The following FLYWCH1 variants were observed in gnomAD, a reference collection of about 807,000 sequenced individuals.
The protein encoded by FLYWCH1 is FLYWCH-type zinc finger 1.
Under a neutral mutation model 66.4 loss-of-function variants are expected in FLYWCH1, and 75 were observed. The observed-to-expected ratio is 1.13, with a 90% CI of 0.94 to 1.37. FLYWCH1 has a LOEUF of 1.37. Among genes scored for constraint, FLYWCH1 ranks in the 40% most tolerant of loss-of-function variants. The probability of loss-of-function intolerance (pLI) is 0.00; values close to 1 mark genes in which losing one functional copy is unlikely to be tolerated. For missense variants in FLYWCH1, 1,334 were observed against 1,001.8 expected, an observed-to-expected ratio of 1.33 and a Z score of -4.48; for synonymous variants, 595 against 429.9, an observed-to-expected ratio of 1.38 and a Z score of -4.75.
intron 9 of FLYWCH1, among the ~76,000 whole-genome samples, chr16:2,944,556 C>T (rs745613374): frequency 1.8e-4 from 28 of 152,212 alleles, no homozygotes; most frequent in Admixed American, 5.2e-4. Flanking sequence ...ACAGCATTGG[C>T]TCACACCTAT....
At position 2,930,704 on chromosome 16, in the gene FLYWCH1, G is replaced by A. The variant is rs554803352; in HGVS notation, c.620G>A (p.Gly207Asp). Residue 207 changes from glycine to aspartate, a missense_variant, in exon 4 of 10, where the codon GGC (glycine) becomes GAC (aspartate). Transcript: ENST00000253928. ...TTGGGAGAGCCCCAGGGTCCTGAGG[G>A]CCCTGGAGGCCGAGTGGAGGAGCCC... ...EGLGEPQGPE[G>D]PGGRVEEPLE... 23 of 1,544,390 alleles carry A rather than the reference G, an allele frequency of 1.5e-5. No individual in the cohort carries two copies. The highest frequency in any genetic ancestry group is 2.2e-4 in the Middle Eastern group (1 of 4,578).
At chr16:2,920,965 C>G (rs1481074001) in intron 2 of FLYWCH1, among the ~76,000 whole-genome samples, 2 of 151,312 alleles carry the variant, frequency 1.3e-5, no homozygotes, top group Non-Finnish European at 2.9e-5. Context: ...CCTCAGCCTT[C>G]CGAGTAGCTG....
intron 9 of FLYWCH1, among the ~76,000 whole-genome samples, chr16:2,941,013 C>G (rs1213516949): frequency 2.0e-5 from 3 of 152,148 alleles, no homozygotes; most frequent in African/African-American, 7.2e-5. Context: ...TGCATGTAAT[C>G]CAAGCTATTC....
At position 2,930,502 on chromosome 16, in the gene FLYWCH1, G is replaced by T; in HGVS notation, c.418G>T (p.Gly140Trp). The change falls in exon 4 of 10, where the codon GGG becomes TGG. Residue 140 changes from glycine (G) to tryptophan (W), a missense_variant. Transcript: ENST00000253928. The part of the protein sequence containing the change: ...SFLYKQEKAV[G>W]DKVYWKCRQH... ...CCTGTACAAGCAGGAGAAGGCAGTGGGGGACAAGGTGTACTGGAAGTGCCG... is the reference window on the plus strand; with the variant it reads ...CCTGTACAAGCAGGAGAAGGCAGTGTGGGACAAGGTGTACTGGAAGTGCCG... The T allele has an allele frequency of 6.5e-7, 1 of 1,535,242 alleles. No homozygotes were observed. The highest frequency in any genetic ancestry group is 2.4e-5 in the Admixed American group (1 of 41,944).
Position 2,938,297 on chromosome 16 carries a change from T to G in FLYWCH1, c.1891T>G (p.Cys631Gly), listed in dbSNP as rs762091478. 2.6e-5 allele frequency: 42 copies of G among 1,611,692 alleles called. No homozygotes were observed. Among genetic ancestry groups the G allele is most frequent in the Non-Finnish European group, 3.1e-5 (36 of 1,178,946 alleles). ...KAAGEKVYWM[C>G]RDQARLGCRS... ...GGCTGGGGAGAAGGTGTACTGGATG[T>G]GCCGGGACCAGGCTCGGCTGGGCTG... The change falls in exon 8 of 10, where the codon TGC becomes GGC. Residue 631 changes from cysteine (C) to glycine (G), a missense_variant. Cys to Gly is a radical substitution (Grantham distance 159). Coordinates refer to ENST00000253928, the MANE Select transcript of FLYWCH1 (RefSeq NM_001308068.2).
intron 4 of FLYWCH1, among the ~76,000 whole-genome samples, chr16:2,932,117 CAA>C (rs71158124): frequency 5.5e-5 from 6 of 109,840 alleles, no homozygotes; most frequent in Non-Finnish European, 7.4e-5. Flanking sequence ...GACTCTGTCT[CAA>C]AAAAAAAAAA....
At chr16:2,931,734 C>T (rs62032312) in intron 4 of FLYWCH1, among the ~76,000 whole-genome samples, 15,937 of 151,380 alleles carry the variant, frequency 0.11, 1,226 homozygotes, top group African/African-American at 0.21. Flanking sequence ...CTTTCGGAGG[C>T]TGAGGTGGGC....
chr16:2,946,901 G>A (rs539093084), intron 9 of FLYWCH1, among the ~76,000 whole-genome samples: 14 of 152,208 alleles, frequency 9.2e-5, no homozygotes, highest in South Asian at 4.1e-4. Flanking sequence ...TCTTGGCGAC[G>A]ATGCAAAATG....
Position 2,929,904 on chromosome 16 carries a change from C to T in FLYWCH1, c.219C>T (p.Pro73=), listed in dbSNP as rs373096010. The T allele has an allele frequency of 8.7e-6, 14 of 1,613,664 alleles. No individual in the cohort carries two copies. Among genetic ancestry groups the T allele is most frequent in the East Asian group, 4.5e-5 (2 of 44,868 alleles). ...TCCTGTCCCTGGAGATGGCTGGCCC[C>T]GCCACCCTCGCCAGCACCTTGCAGA... ...HCVLSLEMAG[P]ATLASTLQIL... is the part of the protein sequence containing the mutation. Residue 73 remains proline, a synonymous_variant, in exon 3 of 10, where the codon CCC becomes CCT. Transcript: ENST00000253928.
At chr16:2,916,804 ATACCCC>A (rs1420772492) in intron 2 of FLYWCH1, among the ~76,000 whole-genome samples, 65 of 152,122 alleles carry the variant, frequency 4.3e-4, no homozygotes, top group African/African-American at 1.4e-3. Flanking sequence ...GTTCCCCAAA[ATACCCC>A]TAAGGTTCCT....
At chr16:2,945,198 C>G (rs2071427413) in intron 9 of FLYWCH1, among the ~76,000 whole-genome samples, 1 of 151,814 alleles carries the variant, frequency 6.6e-6, no homozygotes, top group Admixed American at 6.6e-5. Flanking sequence ...ACTAAAAATA[C>G]AAAAATTAGC....
chr16:2,913,494 C>G (rs972071317), intron 1 of FLYWCH1, among the ~76,000 whole-genome samples: 2 of 152,092 alleles, frequency 1.3e-5, no homozygotes, highest in African/African-American at 4.8e-5. Context: ...ATTCTGCACC[C>G]CAGGGAACGT....
intron 2 of FLYWCH1, among the ~76,000 whole-genome samples, chr16:2,928,262 C>CA (rs2070642030): frequency 6.6e-6 from 1 of 152,238 alleles, no homozygotes; most frequent in Non-Finnish European, 1.5e-5. Flanking sequence ...ACCTCAACAG[C>CA]AAAGAGGTTT....
At chr16:2,918,491 A>T (rs1034354799) in intron 2 of FLYWCH1, among the ~76,000 whole-genome samples, 4 of 146,098 alleles carry the variant, frequency 2.7e-5, no homozygotes, top group Admixed American at 1.4e-4. Flanking sequence ...CCCAGGCTGG[A>T]GTGCAATGGC....
At chr16:2,938,695 C>G (rs1303225393) in intron 8 of FLYWCH1, among the ~76,000 whole-genome samples, 1 of 93,792 alleles carries the variant, frequency 1.1e-5, no homozygotes, top group African/African-American at 2.8e-5. Flanking sequence ...TCACTGCAAG[C>G]TCCGCCTCCC....
intron 6 of FLYWCH1, chr16:2,936,700 C>A (rs116260772): frequency 4.3e-6 from 2 of 466,396 alleles, no homozygotes; most frequent in African/African-American, 4.0e-5. Context: ...TCTACCTGCG[C>A]GGCTCTCGGG....
At chr16:2,912,734 G>A (rs1387251778) in intron 1 of FLYWCH1, among the ~76,000 whole-genome samples, 1 of 152,124 alleles carries the variant, frequency 6.6e-6, no homozygotes, top group African/African-American at 2.4e-5. Flanking sequence ...CTTCCACCCC[G>A]TTCCAAAAGG....
chr16:2,917,053 G>C (rs1255581675), intron 2 of FLYWCH1, among the ~76,000 whole-genome samples: 2 of 151,184 alleles, frequency 1.3e-5, no homozygotes, highest in African/African-American at 4.9e-5. Context: ...CTACTTGGGA[G>C]GCTGAGGCAG....
At position 2,933,759 on chromosome 16, in the gene FLYWCH1, G is replaced by A. The variant is rs2070875231; in HGVS notation, c.1293G>A (p.Leu431=). ...AGACGCCCCTGGGGGGCAGCTTCCT[G>A]GTGTACGAGTCCTTCCTCTACCGGC... ...FLKTPLGGSF[L]VYESFLYRRE... The change falls in exon 6 of 10, where the codon CTG becomes CTA. Residue 431 remains leucine, a synonymous_variant. Coordinates refer to ENST00000253928, the MANE Select transcript of FLYWCH1 (RefSeq NM_001308068.2). The A allele has an allele frequency of 2.5e-6, 4 of 1,613,178 alleles. No individual in the cohort carries two copies. The highest frequency in any genetic ancestry group is 1.3e-5 in the African/African-American group (1 of 74,898).
Sources: gnomAD v4.1 joint callset for allele counts (sites outside exome capture counted in the v4.1 genomes callset) on GRCh38, gnomAD v4.1.1 for gene constraint, MANE v1.5 for transcripts, NCBI Gene and HGNC (gene_info 2026-07-23, HGNC 2026-07-21) for gene names.